Variants in ZC3H12B observed in about 807,000 individuals in gnomAD.
ZC3H12B encodes the protein zinc finger CCCH-type containing 12B, also known as probable ribonuclease ZC3H12B.
In ZC3H12B, 7 loss-of-function variants were observed where a neutral mutation model predicts 43.9. The observed-to-expected ratio is 0.16, with a 90% CI of 0.09 to 0.30. The LOEUF is 0.30. Ranked by LOEUF, ZC3H12B falls within the 10% of genes least tolerant of loss-of-function variation. The probability of loss-of-function intolerance (pLI) is 1.00; values close to 1 mark genes in which losing one functional copy is unlikely to be tolerated. For missense variants in ZC3H12B, 475 were observed against 670.2 expected, an observed-to-expected ratio of 0.71 and a Z score of 3.22; for synonymous variants, 222 against 241.7, an observed-to-expected ratio of 0.92 and a Z score of 0.76.
At chrX:65,283,765 T>C in the ZC3H12B span, among the ~76,000 whole-genome samples, 1 of 111,488 alleles carries the variant, frequency 9.0e-6, no homozygotes, top group Admixed American at 9.5e-5. Context: ...CTGTACACTG[T>C]CATGCTACCC....
chrX:65,334,267 C>T, the ZC3H12B span, among the ~76,000 whole-genome samples: 2 of 111,848 alleles, frequency 1.8e-5, no homozygotes, highest in African/African-American at 6.5e-5. Flanking sequence ...AATAATACTC[C>T]TTTAACTTTA....
chrX:65,129,714 A>G, the ZC3H12B span, among the ~76,000 whole-genome samples: 1 of 111,236 alleles, frequency 9.0e-6, no homozygotes, highest in Admixed American at 9.6e-5. Context: ...TATTAATAAG[A>G]AAAATAACAT....
chrX:65,164,722 T>C, the ZC3H12B span, among the ~76,000 whole-genome samples: 1 of 111,884 alleles, frequency 8.9e-6, no homozygotes, highest in Non-Finnish European at 1.9e-5. Context: ...AAAGACACTT[T>C]CATCAACATC....
the ZC3H12B span, among the ~76,000 whole-genome samples, chrX:65,280,368 C>T: frequency 8.9e-6 from 1 of 112,098 alleles, no homozygotes; most frequent in African/African-American, 3.2e-5. Context: ...GATAAAAACT[C>T]TTAATAAATT....
chrX:65,217,276 A>G, the ZC3H12B span, among the ~76,000 whole-genome samples: 1 of 112,180 alleles, frequency 8.9e-6, no homozygotes, highest in Admixed American at 9.5e-5. Flanking sequence ...TGCAGGAACC[A>G]CAGGCGTAGG....
At chrX:65,233,178 T>G in the ZC3H12B span, among the ~76,000 whole-genome samples, 3 of 111,892 alleles carry the variant, frequency 2.7e-5, no homozygotes, top group Admixed American at 9.5e-5. Flanking sequence ...CTTTCAGCAC[T>G]GGATAGATCA....
the ZC3H12B span, among the ~76,000 whole-genome samples, chrX:65,214,073 A>T: frequency 2.7e-5 from 3 of 111,040 alleles, no homozygotes; most frequent in East Asian, 8.4e-4. Context: ...TTTCAAAGGT[A>T]CTTTATTGCT....
the ZC3H12B span, among the ~76,000 whole-genome samples, chrX:65,233,795 T>C: frequency 5.4e-5 from 6 of 110,928 alleles, no homozygotes; most frequent in South Asian, 1.5e-3. Flanking sequence ...GAATGAAAAC[T>C]TGTTTTCTCA....
intron 3 of ZC3H12B, among the ~76,000 whole-genome samples, chrX:65,441,584 A>G (rs771900054): frequency 1.2e-4 from 14 of 112,054 alleles, no homozygotes; most frequent in Non-Finnish European, 2.3e-4. Flanking sequence ...TCTGCTTTCC[A>G]GGAAACAGAC....
chrX:65,331,567 T>C, the ZC3H12B span, among the ~76,000 whole-genome samples: 1 of 108,729 alleles, frequency 9.2e-6, no homozygotes, highest in East Asian at 2.9e-4. Context: ...TTTATTTATT[T>C]ATTTATTTAT....
At chrX:65,053,235 C>A in the ZC3H12B span, among the ~76,000 whole-genome samples, 1 of 110,657 alleles carries the variant, frequency 9.0e-6, no homozygotes, top group African/African-American at 3.3e-5. Flanking sequence ...TTAGGTATAT[C>A]TCCTAATGCT....
At chrX:65,137,135 C>T in the ZC3H12B span, among the ~76,000 whole-genome samples, 1 of 111,667 alleles carries the variant, frequency 9.0e-6, no homozygotes, top group African/African-American at 3.2e-5. Flanking sequence ...ATACCTTCTA[C>T]TAATATAAAT....
the ZC3H12B span, among the ~76,000 whole-genome samples, chrX:65,318,437 A>G: frequency 1.0e-5 from 1 of 96,632 alleles, no homozygotes; most frequent in Non-Finnish European, 2.0e-5. Context: ...TTTTTGAGAC[A>G]GAGTTTCACT....
chrX:65,502,845 G>A lies in ZC3H12B; in HGVS notation c.2147G>A (p.Arg716Lys), dbSNP rs765480548. ...CGCCTCTATGAGAGCAACCCCGTGA[G>A]GCAAAGACGACCTCCCCTGTGCCGG... The change falls in exon 5 of 5, where the codon AGG becomes AAG. Residue 716 changes from arginine to lysine, a missense_variant. Coordinates refer to ENST00000338957, the Ensembl canonical transcript of ZC3H12B. The A allele has an allele frequency of 1.3e-5, 16 of 1,209,100 alleles. No homozygotes were observed. The East Asian group carries it at 3.9e-4, about 29-fold the overall frequency.
chrX:65,054,342 C>A, the ZC3H12B span, among the ~76,000 whole-genome samples: 3 of 111,434 alleles, frequency 2.7e-5, no homozygotes, highest in Non-Finnish European at 5.7e-5. Flanking sequence ...GCCAGTTTTC[C>A]CAGCACCATT....
intron 3 of ZC3H12B, among the ~76,000 whole-genome samples, chrX:65,440,641 G>A (rs2067289964): frequency 8.9e-6 from 1 of 112,303 alleles, no homozygotes; most frequent in Non-Finnish European, 1.9e-5. Flanking sequence ...CAAAGGGATA[G>A]TAAAGAAACA....
intron 3 of ZC3H12B, among the ~76,000 whole-genome samples, chrX:65,399,609 G>A (rs970326836): frequency 1.1e-4 from 12 of 112,234 alleles, no homozygotes; most frequent in Non-Finnish European, 3.8e-5. Context: ...CAACCACTAT[G>A]AAAACAGTTT....
At chrX:65,154,692 TA>T in the ZC3H12B span, among the ~76,000 whole-genome samples, 1 of 110,815 alleles carries the variant, frequency 9.0e-6, no homozygotes, top group East Asian at 2.8e-4. Flanking sequence ...TCTACAAAAA[TA>T]AAAGAATTAG....
chrX:65,375,571 AG>A (rs2066335439), intron 2 of ZC3H12B, among the ~76,000 whole-genome samples: 1 of 111,912 alleles, frequency 8.9e-6, no homozygotes, highest in Admixed American at 9.5e-5. Context: ...AAGAGTAAAG[AG>A]GACTTTGTCT....
Sources: allele counts gnomAD v4.1 joint callset (sites outside exome capture counted in the v4.1 genomes callset), GRCh38; gene constraint gnomAD v4.1.1; transcripts MANE v1.5; gene names NCBI Gene and HGNC (gene_info 2026-07-23, HGNC 2026-07-21).